IL1RAPL1: variants seen among roughly 807,000 people sequenced by gnomAD.
IL1RAPL1 encodes interleukin 1 receptor accessory protein like 1.
IL1RAPL1 carries 3 observed loss-of-function variants against 48.4 expected under a neutral mutation model. The observed-to-expected ratio is 0.06, with a 90% CI of 0.03 to 0.16. The LOEUF (loss-of-function observed/expected upper bound fraction) is 0.16. Ranked by LOEUF, IL1RAPL1 falls within the 10% of genes least tolerant of loss-of-function variation. The pLI is 1.00. For synonymous variants in IL1RAPL1, 185 were observed against 187.7 expected, an observed-to-expected ratio of 0.99 and a Z score of 0.12; for missense variants, 349 against 530.6, an observed-to-expected ratio of 0.66 and a Z score of 3.36.
intron 1 of IL1RAPL1, among the ~76,000 whole-genome samples, chrX:28,678,415 G>A (rs1260088858): frequency 9.0e-6 from 1 of 111,063 alleles, no homozygotes; most frequent in Non-Finnish European, 1.9e-5. Context: ...TTACATAAGC[G>A]AGCACTGTTC....
chrX:29,169,974 A>C (rs918043569), intron 2 of IL1RAPL1, among the ~76,000 whole-genome samples: 1 of 111,303 alleles, frequency 9.0e-6, no homozygotes, highest in African/African-American at 3.2e-5. Flanking sequence ...ATTTCAATCC[A>C]CATTTCCCAT....
chrX:28,849,570 T>C (rs893333194), intron 2 of IL1RAPL1, among the ~76,000 whole-genome samples: 1 of 112,324 alleles, frequency 8.9e-6, no homozygotes, highest in East Asian at 2.8e-4. Flanking sequence ...AACAACGATA[T>C]AAGACTCTGA....
intron 6 of IL1RAPL1, among the ~76,000 whole-genome samples, chrX:29,865,734 T>C (rs922068203): frequency 2.0e-4 from 21 of 104,111 alleles, no homozygotes; most frequent in African/African-American, 7.4e-4. Flanking sequence ...CCTCCCACAT[T>C]CAAGCAATTC....
At chrX:29,627,695 C>A (rs145808104) in intron 5 of IL1RAPL1, among the ~76,000 whole-genome samples, 2,437 of 111,384 alleles carry the variant, frequency 0.022, 64 homozygotes, top group African/African-American at 0.076. Flanking sequence ...CCCCATCTAA[C>A]CCCGGTGGTA....
intron 2 of IL1RAPL1, among the ~76,000 whole-genome samples, chrX:28,859,006 C>T (rs944888814): frequency 8.9e-5 from 10 of 111,977 alleles, no homozygotes; most frequent in Non-Finnish European, 1.5e-4. Flanking sequence ...TAAGGATCAC[C>T]TATTTCTTAA....
At chrX:29,870,488 T>A (rs1319159423) in intron 6 of IL1RAPL1, among the ~76,000 whole-genome samples, 1 of 111,975 alleles carries the variant, frequency 8.9e-6, no homozygotes, top group Admixed American at 9.5e-5. Context: ...CGATAGGCAG[T>A]TATCCTAGCT....
chrX:29,715,424 C>T (rs1225747298), intron 6 of IL1RAPL1, among the ~76,000 whole-genome samples: 1 of 111,371 alleles, frequency 9.0e-6, no homozygotes, highest in Non-Finnish European at 1.9e-5. Context: ...AGGGCCATTC[C>T]TCTAATCTAA....
intron 6 of IL1RAPL1, among the ~76,000 whole-genome samples, chrX:29,773,412 G>A (rs1459093737): frequency 8.9e-6 from 1 of 112,158 alleles, no homozygotes; most frequent in African/African-American, 3.2e-5. Flanking sequence ...TATATAGTGA[G>A]GATCTTTTAT....
chrX:29,330,720 G>A (rs1271795039), intron 3 of IL1RAPL1, among the ~76,000 whole-genome samples: 1 of 111,109 alleles, frequency 9.0e-6, no homozygotes, highest in Non-Finnish European at 1.9e-5. Context: ...GGTTCTTGTT[G>A]CTGAGGTTCT....
chrX:29,754,436 GT>G (rs150387406), intron 6 of IL1RAPL1, among the ~76,000 whole-genome samples: 8,427 of 111,474 alleles, frequency 0.076, 291 homozygotes, highest in Middle Eastern at 0.24. Flanking sequence ...CCTGACTCAT[GT>G]TCCCATTACC....
At chrX:28,807,106 T>G (rs1936741866) in intron 2 of IL1RAPL1, among the ~76,000 whole-genome samples, 1 of 111,285 alleles carries the variant, frequency 9.0e-6, no homozygotes, top group African/African-American at 3.3e-5. Flanking sequence ...TTTGTTGTTG[T>G]TATTTTGTTT....
At chrX:29,720,424 TA>T (rs200276347) in intron 6 of IL1RAPL1, among the ~76,000 whole-genome samples, 2 of 110,776 alleles carry the variant, frequency 1.8e-5, no homozygotes, top group Non-Finnish European at 3.8e-5. Flanking sequence ...TATGCAGCCA[TA>T]AAAAAGGATG....
intron 6 of IL1RAPL1, among the ~76,000 whole-genome samples, chrX:29,687,131 C>T (rs1046827799): frequency 9.0e-6 from 1 of 111,378 alleles, no homozygotes; most frequent in Admixed American, 9.5e-5. Flanking sequence ...ATGATATGTT[C>T]CAAGAATCCT....
intron 2 of IL1RAPL1, among the ~76,000 whole-genome samples, chrX:29,105,089 C>A (rs941681072): frequency 9.0e-6 from 1 of 111,276 alleles, no homozygotes; most frequent in Non-Finnish European, 1.9e-5. Context: ...GGTAGCTACC[C>A]CTGGCTGCGG....
intron 2 of IL1RAPL1, among the ~76,000 whole-genome samples, chrX:28,968,147 A>G (rs1924965987): frequency 8.9e-6 from 1 of 111,889 alleles, no homozygotes; most frequent in African/African-American, 3.2e-5. Flanking sequence ...AAAATGTAAT[A>G]TATAATTATA....
At chrX:29,290,578 T>C (rs1932354966) in intron 3 of IL1RAPL1, among the ~76,000 whole-genome samples, 1 of 112,329 alleles carries the variant, frequency 8.9e-6, no homozygotes, top group Non-Finnish European at 1.9e-5. Flanking sequence ...CTACCTATTC[T>C]GGGGAGAAAA....
intron 2 of IL1RAPL1, among the ~76,000 whole-genome samples, chrX:29,228,924 G>A (rs1326036137): frequency 9.0e-6 from 1 of 110,937 alleles, no homozygotes; most frequent in Non-Finnish European, 1.9e-5. Flanking sequence ...GCACTTCTCA[G>A]CCCACTCTGG....
intron 3 of IL1RAPL1, among the ~76,000 whole-genome samples, chrX:29,379,578 G>A (rs1179764565): frequency 9.0e-6 from 1 of 111,690 alleles, no homozygotes; most frequent in Non-Finnish European, 1.9e-5. Context: ...CCTGTAGCTA[G>A]GATCCCAGAG....
At chrX:29,618,289 G>A (rs1474789911) in intron 5 of IL1RAPL1, among the ~76,000 whole-genome samples, 4 of 111,633 alleles carry the variant, frequency 3.6e-5, no homozygotes, top group African/African-American at 1.3e-4. Context: ...CTAGGTAAGT[G>A]TCCTATGACA....
Sources: allele counts gnomAD v4.1 joint callset (sites outside exome capture counted in the v4.1 genomes callset), GRCh38; gene constraint gnomAD v4.1.1; transcripts MANE v1.5; gene names NCBI Gene and HGNC (gene_info 2026-07-23, HGNC 2026-07-21).